Variants in MTAP observed in about 807,000 individuals in gnomAD.
MTAP encodes the protein S-methyl-5'-thioadenosine phosphorylase.
Under a neutral mutation model 33.6 loss-of-function variants are expected in MTAP, and 33 were observed. The ratio of observed to expected loss-of-function variants is 0.98; its 90% confidence interval spans 0.74 to 1.31. The LOEUF is 1.31. Ranked by LOEUF, MTAP falls within the 40% of genes most tolerant of loss-of-function variation. MTAP has a pLI of 0.00. For synonymous variants in MTAP, 148 were observed against 125.7 expected, an observed-to-expected ratio of 1.18 and a Z score of -1.19; for missense variants, 367 against 360.0, an observed-to-expected ratio of 1.02 and a Z score of -0.16.
chr9:21,921,487 A>G (rs1818787048), intron 1 of MTAP, among the ~76,000 whole-genome samples: 1 of 152,052 alleles, frequency 6.6e-6, no homozygotes. Flanking sequence ...TTAGGTTGTT[A>G]ATTTGAAGTT....
chr9:21,872,284 C>G (rs1413870441), intron 1 of MTAP, among the ~76,000 whole-genome samples: 1 of 152,218 alleles, frequency 6.6e-6, no homozygotes, highest in Non-Finnish European at 1.5e-5. Flanking sequence ...CGCCACTGCA[C>G]TCCAGCCTGG....
At chr9:21,920,456 A>G (rs1818769805) in intron 1 of MTAP, among the ~76,000 whole-genome samples, 1 of 152,138 alleles carries the variant, frequency 6.6e-6, no homozygotes, top group Non-Finnish European at 1.5e-5. Flanking sequence ...TTCAGGTTTT[A>G]TGTGACCTGA....
At chr9:21,913,415 TG>T (rs1186716473) in intron 1 of MTAP, among the ~76,000 whole-genome samples, 1 of 152,316 alleles carries the variant, frequency 6.6e-6, no homozygotes, top group East Asian at 1.9e-4. Flanking sequence ...AGCATGGTAC[TG>T]GTACCAAAAC....
chr9:21,913,748 C>T (rs1396603175), intron 1 of MTAP, among the ~76,000 whole-genome samples: 1 of 152,150 alleles, frequency 6.6e-6, no homozygotes, highest in East Asian at 1.9e-4. Context: ...ACACCAAAAG[C>T]AATGGCAACA....
In MTAP at chr9:21,819,044, A is replaced by G. The variant is rs144540386; in HGVS notation, c.347+842A>G. ...ATGGCTGGTTTATTTCACTTAACAT[A>G]ATGTCCAGGTTCACCCATGTTGTGG... On this transcript the variant is annotated intron_variant, in intron 4 of 7. Transcript: ENST00000644715. 2.2e-4 allele frequency among the ~76,000 whole-genome samples: 33 copies of G among 152,118 alleles called. No individual in the cohort carries two copies. The East Asian group carries it at 5.2e-3, about 24-fold the overall frequency.
chr9:21,848,231 G>A (rs554842329), intron 5 of MTAP, among the ~76,000 whole-genome samples: 1 of 152,112 alleles, frequency 6.6e-6, no homozygotes, highest in South Asian at 2.1e-4. Context: ...CCTATAACTG[G>A]ACTGAAGTTC....
intron 4 of MTAP, among the ~76,000 whole-genome samples, chr9:21,831,072 T>C (rs1824954619): frequency 6.6e-6 from 1 of 152,214 alleles, no homozygotes; most frequent in South Asian, 2.1e-4. Flanking sequence ...CTCCATTTTC[T>C]AGCCCAGTTC....
chr9:21,811,496 A>G (rs1362808180), intron 1 of MTAP: 1 of 255,194 alleles, frequency 3.9e-6, no homozygotes, highest in Non-Finnish European at 7.9e-6. Context: ...TGTCTTTAGA[A>G]CATGTGATGT....
At chr9:21,916,051 AGAGGGAGG>A (rs201860768) in intron 1 of MTAP, among the ~76,000 whole-genome samples, 2 of 113,224 alleles carry the variant, frequency 1.8e-5, no homozygotes, top group Admixed American at 1.1e-4. Context: ...AGAAGGAGAG[AGAGGGAGG>A]GAGGGAGGGA....
intron 1 of MTAP, among the ~76,000 whole-genome samples, chr9:21,885,224 G>C (rs559903676): frequency 6.6e-6 from 1 of 152,088 alleles, no homozygotes; most frequent in Non-Finnish European, 1.5e-5. Flanking sequence ...TATAGGCAAA[G>C]TATATCATAC....
At chr9:21,827,538 G>C (rs763949867) in intron 4 of MTAP, among the ~76,000 whole-genome samples, 1 of 152,164 alleles carries the variant, frequency 6.6e-6, no homozygotes, top group Non-Finnish European at 1.5e-5. Context: ...AAATAATGGG[G>C]TTAGACTAAA....
chr9:21,853,510 T>C (rs1000445509), intron 5 of MTAP, among the ~76,000 whole-genome samples: 1 of 152,228 alleles, frequency 6.6e-6, no homozygotes, highest in African/African-American at 2.4e-5. Context: ...GTGTAAGTTA[T>C]TTTTTAAGGA....
intron 1 of MTAP, among the ~76,000 whole-genome samples, chr9:21,904,741 G>C (rs1433918738): frequency 6.6e-6 from 1 of 152,168 alleles, no homozygotes; most frequent in Non-Finnish European, 1.5e-5. Flanking sequence ...AAATTTTTCA[G>C]CATATAATTG....
chr9:21,834,839 A>AG (rs1825062842), intron 4 of MTAP, among the ~76,000 whole-genome samples: 1 of 152,190 alleles, frequency 6.6e-6, no homozygotes, highest in Non-Finnish European at 1.5e-5. Flanking sequence ...ACATCTTCGG[A>AG]GGGGCCATTA....
chr9:21,854,924 G>T (rs1825601985), intron 6 of MTAP, 54 bp downstream of exon 6: 1 of 1,596,092 alleles, frequency 6.3e-7, no homozygotes, highest in Non-Finnish European at 8.5e-7. Flanking sequence ...GGTGCCAATA[G>T]GGTGTCTTAA....
In MTAP at chr9:21,862,243, A is replaced by G; in HGVS notation, c.*229A>G. On this transcript the variant is annotated 3_prime_UTR_variant, in exon 8 of 8. Transcript: ENST00000644715. ...AAATGACTAGTAAACATGTGGGAAA[A>G]AATATTACATTTTAAGGGGGAAAAA... 8.9e-7 allele frequency: 1 copy of G among 1,126,232 alleles called. No individual in the cohort carries two copies. The highest frequency in any genetic ancestry group is 1.1e-6 in the Non-Finnish European group (1 of 874,290). The allele number at this position is 1,126,232 out of a possible 1,614,324, so 69.8% of individuals were successfully genotyped here.
intron 1 of MTAP, among the ~76,000 whole-genome samples, chr9:21,890,873 T>C (rs910238367): frequency 1.3e-5 from 2 of 152,202 alleles, no homozygotes; most frequent in African/African-American, 2.4e-5. Flanking sequence ...TGGTACATTC[T>C]TGTGGTCGTT....
chr9:21,825,152 C>T (rs1824758843), intron 4 of MTAP, among the ~76,000 whole-genome samples: 1 of 152,184 alleles, frequency 6.6e-6, no homozygotes, highest in African/African-American at 2.4e-5. Context: ...AACCCGGTAC[C>T]TAAGTTGGAA....
At chr9:21,824,874 C>G (rs1444561303) in intron 4 of MTAP, among the ~76,000 whole-genome samples, 1 of 152,084 alleles carries the variant, frequency 6.6e-6, no homozygotes, top group East Asian at 1.9e-4. Context: ...ATAAGCGAGG[C>G]TCTGTGGGCG....
Sources: gnomAD v4.1 joint callset for allele counts (sites outside exome capture counted in the v4.1 genomes callset) on GRCh38, gnomAD v4.1.1 for gene constraint, MANE v1.5 for transcripts, NCBI Gene and HGNC (gene_info 2026-07-23, HGNC 2026-07-21) for gene names.